NEK7: variants seen among roughly 807,000 people sequenced by gnomAD.
NEK7 encodes NIMA related kinase 7.
In NEK7, 18 loss-of-function variants were observed where a neutral mutation model predicts 44.6. The ratio of observed to expected loss-of-function variants is 0.40; its 90% CI spans 0.28 to 0.60. NEK7 has a LOEUF of 0.60. NEK7 is among the 20% of genes least tolerant of loss of function. NEK7 has a pLI of 0.38. For synonymous variants in NEK7, 130 were observed against 121.1 expected (o/e 1.07, Z -0.48); for missense variants, 256 against 366.5 (o/e 0.70, Z 2.46).
chr1:198,240,602 C>A (rs150554741), intron 2 of NEK7, among the ~76,000 whole-genome samples: 2 of 151,764 alleles, frequency 1.3e-5, no homozygotes, highest in East Asian at 3.9e-4. Flanking sequence ...ATTCTTTAGA[C>A]CCAAGTGTTT....
chr1:198,173,706 T>G (rs1256631850), intron 1 of NEK7, among the ~76,000 whole-genome samples: 1 of 152,142 alleles, frequency 6.6e-6, no homozygotes, highest in Non-Finnish European at 1.5e-5. Flanking sequence ...TTAACTGCTG[T>G]CAATTATATA....
intron 9 of NEK7, among the ~76,000 whole-genome samples, chr1:198,318,524 G>C (rs570924552): frequency 6.6e-6 from 1 of 152,100 alleles, no homozygotes. Context: ...GTGCTATATC[G>C]TGGCCAGAGT....
chr1:198,160,494 A>C (rs1247435859), intron 1 of NEK7, among the ~76,000 whole-genome samples: 1 of 152,128 alleles, frequency 6.6e-6, no homozygotes, highest in Non-Finnish European at 1.5e-5. Context: ...GAGGGTAGGT[A>C]TTTCAGTGCA....
rs924539342 is a variant in NEK7, at chr1:198,173,639, T to C, written c.-29+16363T>C. Among the ~76,000 whole-genome samples, 51 of 150,866 alleles carry C rather than the reference T, an allele frequency of 3.4e-4. 1 individual carries two copies. The highest frequency in any genetic ancestry group is 1.3e-4 in the Admixed American group (2 of 15,064). On this transcript the variant is annotated intron_variant, in intron 1 of 9. Transcript: ENST00000367385. ...AGTATAGACCATCTTTATGACACTT[T>C]AGCATTCTTTAGTTGGAATATGGAT... is the stretch of plus-strand genomic sequence containing the variant.
In NEK7 at chr1:198,282,916, C is replaced by T. The variant is rs145443986; in HGVS notation, c.589+3855C>T. Among the ~76,000 whole-genome samples the T allele has an allele frequency of 1.6e-3, 247 of 152,068 alleles. 1 individual carries two copies. The highest frequency in any genetic ancestry group is 2.6e-3 in the Admixed American group (40 of 15,256). The stretch of plus-strand genomic sequence containing the variant: ...GGGAGGAAATAGATAATAAAGCAAA[C>T]AAAAAACTAGGATGAATTATTAGTG... On this transcript the variant is annotated intron_variant, in intron 7 of 9. Coordinates refer to ENST00000367385, the MANE Select transcript of NEK7 (RefSeq NM_133494.3).
chr1:198,314,638 T>C (rs1655293038), intron 9 of NEK7, among the ~76,000 whole-genome samples: 1 of 152,134 alleles, frequency 6.6e-6, no homozygotes, highest in African/African-American at 2.4e-5. Flanking sequence ...TGTTTGTTAG[T>C]TTTCCTTCTA....
chr1:198,244,595 C>A (rs764196192), intron 2 of NEK7, among the ~76,000 whole-genome samples: 10 of 151,968 alleles, frequency 6.6e-5, no homozygotes, highest in Non-Finnish European at 1.5e-4. Flanking sequence ...TTAGTAAGAT[C>A]TCGTGTTAAT....
chr1:198,182,928 T>C (rs1199267953), intron 1 of NEK7, among the ~76,000 whole-genome samples: 1 of 152,240 alleles, frequency 6.6e-6, no homozygotes, highest in East Asian at 1.9e-4. Flanking sequence ...TATACCATAG[T>C]ATAGGCCTTC....
chr1:198,250,533 G>C (rs1212724891), intron 2 of NEK7, among the ~76,000 whole-genome samples: 15 of 145,752 alleles, frequency 1.0e-4, no homozygotes, highest in Non-Finnish European at 2.0e-4. Flanking sequence ...TCTTCCATTT[G>C]TTTGTATCCT....
In NEK7 at chr1:198,168,821, G is replaced by A. The variant is rs113986822; in HGVS notation, c.-29+11545G>A. Among the ~76,000 whole-genome samples the A allele has an allele frequency of 2.0e-5, 3 of 152,272 alleles. 1 individual carries two copies. The highest frequency in any genetic ancestry group is 7.2e-5 in the African/African-American group (3 of 41,556). On this transcript the variant is annotated intron_variant, in intron 1 of 9. Coordinates refer to ENST00000367385, the MANE Select transcript of NEK7 (RefSeq NM_133494.3). ...GATTACAATTAAAAAAGGGACCATA[G>A]CAGGAGTGAGAGAGAAAAACCTAGA...
chr1:198,190,042 AT>A (rs1439734938), intron 1 of NEK7, among the ~76,000 whole-genome samples: 2 of 152,088 alleles, frequency 1.3e-5, no homozygotes, highest in African/African-American at 2.4e-5. Context: ...GAGTAATTTT[AT>A]TTTGAAAAAT....
At chr1:198,316,617 G>C (rs1362182322) in intron 9 of NEK7, among the ~76,000 whole-genome samples, 1 of 152,134 alleles carries the variant, frequency 6.6e-6, no homozygotes, top group Non-Finnish European at 1.5e-5. Context: ...AATTATTTCT[G>C]TGATTTCCTC....
chr1:198,253,948 A>C (rs1428065039), intron 3 of NEK7, among the ~76,000 whole-genome samples: 1 of 152,150 alleles, frequency 6.6e-6, no homozygotes, highest in Non-Finnish European at 1.5e-5. Context: ...CACACAGTGA[A>C]TCATACACTT....
At chr1:198,159,908 T>G (rs1329073204) in intron 1 of NEK7, among the ~76,000 whole-genome samples, 1 of 152,236 alleles carries the variant, frequency 6.6e-6, no homozygotes, top group Non-Finnish European at 1.5e-5. Flanking sequence ...ACAGTTTGTG[T>G]AAATAAGTAC....
intron 3 of NEK7, among the ~76,000 whole-genome samples, chr1:198,261,776 T>C (rs1212280831): frequency 6.6e-6 from 1 of 151,930 alleles, no homozygotes; most frequent in East Asian, 1.9e-4. Flanking sequence ...TTGTATTTTT[T>C]ATTTTTATGT....
chr1:198,177,529 G>T (rs1458586353), intron 1 of NEK7, among the ~76,000 whole-genome samples: 1 of 152,036 alleles, frequency 6.6e-6, no homozygotes, highest in Admixed American at 6.6e-5. Context: ...TAAGAGTTTG[G>T]GAAAGGGACA....
At chr1:198,279,925 CAATT>C (rs1654143315) in intron 7 of NEK7, among the ~76,000 whole-genome samples, 3 of 151,960 alleles carry the variant, frequency 2.0e-5, no homozygotes, top group African/African-American at 7.2e-5. Flanking sequence ...AGTAGGTACT[CAATT>C]AATATTTGCT....
chr1:198,281,508 A>G (rs1315838908), intron 7 of NEK7, among the ~76,000 whole-genome samples: 1 of 152,096 alleles, frequency 6.6e-6, no homozygotes, highest in Non-Finnish European at 1.5e-5. Context: ...GTAGTTCATA[A>G]AGAAAAATCT....
intron 1 of NEK7, among the ~76,000 whole-genome samples, chr1:198,207,615 T>C (rs918064143): frequency 3.3e-5 from 5 of 152,206 alleles, no homozygotes; most frequent in African/African-American, 1.2e-4. Context: ...TTCATTTATA[T>C]GATATCCTAG....
Sources: gnomAD v4.1 joint callset for allele counts (sites outside exome capture counted in the v4.1 genomes callset) on GRCh38, gnomAD v4.1.1 for gene constraint, MANE v1.5 for transcripts, NCBI Gene and HGNC (gene_info 2026-07-23, HGNC 2026-07-21) for gene names.